Variants in LRRTM4 observed in about 807,000 individuals in gnomAD.
LRRTM4 encodes leucine-rich repeat transmembrane neuronal protein 4.
A neutral mutation model predicts 47.6 loss-of-function variants in LRRTM4; 25 were observed. The observed-to-expected ratio is 0.53, with a 90% CI of 0.38 to 0.73. The LOEUF (loss-of-function observed/expected upper bound fraction) is 0.73, where lower values mean the gene tolerates loss of function less well. Among genes scored for constraint, LRRTM4 ranks in the 30% least tolerant of loss-of-function variants. The pLI is 0.00. For missense variants in LRRTM4, 638 were observed against 713.4 expected, an observed-to-expected ratio of 0.89 and a Z score of 1.20; for synonymous variants, 311 against 269.5, an observed-to-expected ratio of 1.15 and a Z score of -1.51.
chr2:76,777,139 C>G (rs940420178), intron 3 of LRRTM4, among the ~76,000 whole-genome samples: 8 of 149,438 alleles, frequency 5.4e-5, no homozygotes, highest in African/African-American at 1.7e-4. Context: ...GGTACCAGTA[C>G]CATGCTGTTT....
chr2:77,217,441 A>ATATATATATATATATATATT (rs1491281603), intron 3 of LRRTM4, among the ~76,000 whole-genome samples: 269 of 13,582 alleles, frequency 0.02, 17 homozygotes, highest in African/African-American at 0.096. Flanking sequence ...TCCAAATGAA[A>ATATATATATATATATATATT]TATATATATA....
At chr2:76,999,955 A>G (rs17013541) in intron 3 of LRRTM4, among the ~76,000 whole-genome samples, 9,933 of 152,200 alleles carry the variant, frequency 0.065, 735 homozygotes, top group African/African-American at 0.18. Flanking sequence ...CCTATATACT[A>G]TGGAAAGAAT....
intron 3 of LRRTM4, among the ~76,000 whole-genome samples, chr2:76,908,027 A>G (rs1167274257): frequency 6.6e-6 from 1 of 151,810 alleles, no homozygotes; most frequent in Non-Finnish European, 1.5e-5. Context: ...AAAGCTGGGC[A>G]GAGACACAGC....
chr2:77,513,985 T>A (rs550786642), intron 3 of LRRTM4, among the ~76,000 whole-genome samples: 5 of 152,232 alleles, frequency 3.3e-5, no homozygotes, highest in African/African-American at 9.6e-5. Context: ...CGTAAAAAAA[T>A]TTAATTAATT....
intron 3 of LRRTM4, among the ~76,000 whole-genome samples, chr2:76,831,922 A>G (rs1352006645): frequency 2.6e-5 from 4 of 152,192 alleles, no homozygotes; most frequent in Non-Finnish European, 5.9e-5. Flanking sequence ...TGGGGTTACT[A>G]AATGTTAAAT....
rs1055880860 is a variant in LRRTM4, at chr2:76,747,769, G to A, written c.*926C>T. 1 of 151,942 alleles carries A rather than the reference G, an allele frequency of 6.6e-6. No individual in the cohort carries two copies. The highest frequency in any genetic ancestry group is 2.4e-5 in the African/African-American group (1 of 41,346). 9.4% of individuals were successfully genotyped at this position (151,942 alleles called of 1,614,324 possible). ...TTTTATTGATAAAAACTACACAAAA[G>A]CTAATTGATAATTAATTTAAAAAGC... On this transcript the variant is annotated 3_prime_UTR_variant, in exon 4 of 4. Coordinates refer to ENST00000409884, the MANE Select transcript of LRRTM4 (RefSeq NM_001134745.3).
rs189308279 is a variant in LRRTM4, at chr2:76,755,416, T to G, written c.1552-6500A>C. ...TGAGTCCTGATCTGTGATTACTAAC[T>G]CCAATTTCCCATCCCAATGTTTTGT... On this transcript the variant is annotated intron_variant, in intron 3 of 3. Transcript: ENST00000409884. 3.0e-3 allele frequency among the ~76,000 whole-genome samples: 452 copies of G among 152,276 alleles called. 4 individuals are homozygous for G. Among genetic ancestry groups the G allele is most frequent in the African/African-American group, 0.01 (431 of 41,544 alleles).
Position 77,307,189 on chromosome 2 carries a change from C to T in LRRTM4, c.1551+211129G>A, listed in dbSNP as rs868198050. On this transcript the variant is annotated intron_variant, in intron 3 of 3. Transcript: ENST00000409884. Reference sequence around the variant, plus strand: ...TGCTGGGATTACAGGCGTGAGCCACCGCGCCCGGCCCCCATATTTTTGTAG... The same window carrying T: ...TGCTGGGATTACAGGCGTGAGCCACTGCGCCCGGCCCCCATATTTTTGTAG... Among the ~76,000 whole-genome samples, 9 of 151,972 alleles carry T rather than the reference C, an allele frequency of 5.9e-5. No homozygotes were observed. In the South Asian group the frequency reaches 8.3e-4, roughly 14 times the overall value.
chr2:76,846,215 T>C (rs1002114908), intron 3 of LRRTM4, among the ~76,000 whole-genome samples: 1 of 152,066 alleles, frequency 6.6e-6, no homozygotes, highest in Admixed American at 6.6e-5. Context: ...ACCAGAGTGA[T>C]GTAAGCGAGA....
At chr2:76,901,644 T>C (rs930380947) in intron 3 of LRRTM4, among the ~76,000 whole-genome samples, 6 of 152,136 alleles carry the variant, frequency 3.9e-5, no homozygotes, top group African/African-American at 1.4e-4. Flanking sequence ...GAGAAAGATA[T>C]AAAAGCCCAG....
intron 3 of LRRTM4, among the ~76,000 whole-genome samples, chr2:77,127,024 A>C (rs1671667550): frequency 6.6e-6 from 1 of 152,060 alleles, no homozygotes; most frequent in African/African-American, 2.4e-5. Flanking sequence ...ATGTACAAAT[A>C]CTTCTCCCTC....
At chr2:76,960,299 GAAAACAT>G (rs1389322808) in intron 3 of LRRTM4, among the ~76,000 whole-genome samples, 1 of 151,420 alleles carries the variant, frequency 6.6e-6, no homozygotes, top group Non-Finnish European at 1.5e-5. Flanking sequence ...TATTTGCACA[GAAAACAT>G]AAAACATAAA....
chr2:77,384,596 G>T (rs997113669), intron 3 of LRRTM4, among the ~76,000 whole-genome samples: 5 of 151,826 alleles, frequency 3.3e-5, no homozygotes, highest in African/African-American at 1.2e-4. Context: ...GAAAAAAATG[G>T]CATTTAGAAA....
At chr2:76,836,176 T>A (rs987283258) in intron 3 of LRRTM4, among the ~76,000 whole-genome samples, 2 of 138,542 alleles carry the variant, frequency 1.4e-5, no homozygotes, top group South Asian at 4.6e-4. Context: ...AAAAAAAAAA[T>A]AACAGTGAAG....
intron 3 of LRRTM4, among the ~76,000 whole-genome samples, chr2:76,779,218 T>A (rs1440830897): frequency 6.6e-6 from 1 of 152,078 alleles, no homozygotes; most frequent in African/African-American, 2.4e-5. Context: ...GGTGTGGTGC[T>A]GAAAAAAATG....
intron 3 of LRRTM4, among the ~76,000 whole-genome samples, chr2:77,033,839 G>A (rs1487396009): frequency 5.3e-5 from 8 of 151,700 alleles, no homozygotes; most frequent in Non-Finnish European, 7.4e-5. Flanking sequence ...ACTTATAAAG[G>A]AGGAGATGGA....
chr2:76,824,317 C>T (rs1671133643), intron 3 of LRRTM4, among the ~76,000 whole-genome samples: 1 of 151,466 alleles, frequency 6.6e-6, no homozygotes, highest in South Asian at 2.1e-4. Context: ...TTGCTTGGTT[C>T]ACTCATAAAT....
At chr2:76,932,029 G>A (rs1223717878) in intron 3 of LRRTM4, among the ~76,000 whole-genome samples, 4 of 152,118 alleles carry the variant, frequency 2.6e-5, no homozygotes, top group African/African-American at 9.7e-5. Context: ...CCTGAGAATT[G>A]ATGACTTCGA....
rs76358953 is a variant in LRRTM4 at position 77,265,208 on chromosome 2, C to T, written c.1551+253110G>A. 7.7e-3 allele frequency among the ~76,000 whole-genome samples: 1,173 copies of T among 152,134 alleles called. 16 individuals carry two copies. The highest frequency in any genetic ancestry group is 0.025 in the African/African-American group (1,030 of 41,514). ...CATATTTTCAGTTGTATTTTAACTA[C>T]TTTATTTATCATATTTGAGAAGGAA... On this transcript the variant is annotated intron_variant, in intron 3 of 3. Coordinates refer to ENST00000409884, the MANE Select transcript of LRRTM4 (RefSeq NM_001134745.3).
Sources: gnomAD v4.1 joint callset for allele counts (sites outside exome capture counted in the v4.1 genomes callset) on GRCh38, gnomAD v4.1.1 for gene constraint, MANE v1.5 for transcripts, NCBI Gene and HGNC (gene_info 2026-07-23, HGNC 2026-07-21) for gene names.